A2ML1: variants seen among roughly 807,000 people sequenced by gnomAD.
A2ML1 encodes alpha-2-macroglobulin-like protein 1.
A2ML1 carries 161 observed loss-of-function variants against 181.9 expected under a neutral mutation model. The observed-to-expected ratio is 0.89, with a 90% CI of 0.78 to 1.01. A2ML1 has a LOEUF of 1.01. Ranked by LOEUF, A2ML1 falls within the 50% of genes least tolerant of loss-of-function variation. The pLI is 0.00. For synonymous variants in A2ML1, 663 were observed against 666.8 expected, an observed-to-expected ratio of 0.99 and a Z score of 0.09; for missense variants, 1,670 against 1,768.1, an observed-to-expected ratio of 0.94 and a Z score of 1.00.
chr12:8,844,039 A>C (rs753472556), intron 12 of A2ML1, among the ~76,000 whole-genome samples: 1 of 150,288 alleles, frequency 6.7e-6, no homozygotes, highest in Non-Finnish European at 1.5e-5. Context: ...CAATATTCCT[A>C]TGTGGCTATG....
At position 8,841,673 on chromosome 12, in the gene A2ML1, CA is replaced by C. The variant is rs1260623269; in HGVS notation, c.1248+142del. ...CTCACAAGTCCTGCTCTCCCGTTGA[CA>C]AAAAGTTTTCCTTAGATGCTTTCTG... On this transcript the variant is annotated intron_variant, in intron 11 of 35. Transcript: ENST00000299698. 3.3e-5 allele frequency: 29 copies of C among 880,312 alleles called. No individual in the cohort carries two copies. The African/African-American group carries it at 3.6e-4, about 11-fold the overall frequency. 54.5% of individuals were successfully genotyped at this position (880,312 alleles called of 1,614,324 possible).
rs1025625666 is a variant in A2ML1, at chr12:8,829,657, A to C, written c.410-70A>C. 1.3e-5 allele frequency: 9 copies of C among 673,048 alleles called. No individual in the cohort carries two copies. The South Asian group carries it at 3.8e-4, about 28-fold the overall frequency. 41.7% of individuals were successfully genotyped at this position (673,048 alleles called of 1,614,324 possible). On this transcript the variant is annotated intron_variant, in intron 3 of 35. Coordinates refer to ENST00000299698, the MANE Select transcript of A2ML1 (RefSeq NM_144670.6). ...GTGACAGAGTGAGACCCTGTATCAA[A>C]AAAAAAAAAAAAAAAAAAATTCTGA... is the stretch of plus-strand genomic sequence containing the variant.
downstream of A2ML1, among the ~76,000 whole-genome samples, chr12:8,880,167 C>T (rs888793496): frequency 1.3e-5 from 2 of 151,856 alleles, no homozygotes; most frequent in Non-Finnish European, 2.9e-5. Flanking sequence ...AGTTCGAGAC[C>T]AGCCTGGCCA....
intron 12 of A2ML1, among the ~76,000 whole-genome samples, chr12:8,843,973 G>T (rs1943581492): frequency 6.6e-6 from 1 of 152,030 alleles, no homozygotes; most frequent in African/African-American, 2.4e-5. Context: ...ACCTGCCTCA[G>T]TCTCCCAGAG....
Position 8,847,570 on chromosome 12 carries a change from T to G in A2ML1, c.1705T>G (p.Ser569Ala). ...CCAGGTTTCCCTTGGCTTCTCCCCC[T>G]CCCAGCAGCTTCCAGGAGCAGAAGT... Reference protein sequence around the residue: ...DNQVSLGFSPSQQLPGAEVEL... With the variant: ...DNQVSLGFSPAQQLPGAEVEL... The change falls in exon 15 of 36, where the codon TCC becomes GCC. Residue 569 changes from serine to alanine, a missense_variant. Transcript: ENST00000299698. 6.2e-7 allele frequency: 1 copy of G among 1,612,560 alleles called. No individual in the cohort carries two copies. The highest frequency in any genetic ancestry group is 2.2e-5 in the East Asian group (1 of 44,774).
chr12:8,854,266 G>T lies in A2ML1; in HGVS notation c.2712+17G>T. 1 of 1,581,172 alleles carries T rather than the reference G, an allele frequency of 6.3e-7. No individual in the cohort carries two copies. ...CTCGTCAAAGTGAGTTTTCTTCAGA[G>T]GTAGAGACAGCAACCAACCGAGGGA... is the stretch of plus-strand genomic sequence containing the variant. On this transcript the variant is annotated intron_variant, in intron 21 of 35. Coordinates refer to ENST00000299698, the MANE Select transcript of A2ML1 (RefSeq NM_144670.6).
At chr12:8,878,421 T>C (rs1215002355), downstream of A2ML1, among the ~76,000 whole-genome samples, 1 of 152,240 alleles carries the variant, frequency 6.6e-6, no homozygotes, top group African/African-American at 2.4e-5. The surrounding 1 kb of genome is among the most constrained non-coding windows in gnomAD (Gnocchi z 4.4). Context: ...TACTGCATGT[T>C]CTAACTTTTA....
At position 8,876,080 on chromosome 12, in the gene A2ML1, A is replaced by G. The variant is rs1427494969; in HGVS notation, c.*24A>G. On this transcript the variant is annotated 3_prime_UTR_variant, in exon 36 of 36. Coordinates refer to ENST00000299698, the MANE Select transcript of A2ML1 (RefSeq NM_144670.6). ...CAGGATAGGAGCTGGAAACTCAATT[A>G]GTCCTCTGTGACATTTACTGGAGGG... 1.3e-5 allele frequency: 1 copy of G among 74,810 alleles called. No homozygotes were observed. Among genetic ancestry groups the G allele is most frequent in the Non-Finnish European group, 3.2e-5 (1 of 31,678 alleles). 4.6% of individuals were successfully genotyped at this position (74,810 alleles called of 1,614,324 possible).
At chr12:8,851,454 G>A (rs1277220596) in intron 18 of A2ML1, among the ~76,000 whole-genome samples, 5 of 151,594 alleles carry the variant, frequency 3.3e-5, no homozygotes, top group Non-Finnish European at 5.9e-5. Flanking sequence ...CACCCAGGCT[G>A]GAGTGCAGTG....
intron 33 of A2ML1, among the ~76,000 whole-genome samples, chr12:8,873,325 C>T (rs1358844453): frequency 6.6e-6 from 1 of 151,856 alleles, no homozygotes; most frequent in African/African-American, 2.4e-5. Flanking sequence ...CTATAATCTC[C>T]ACCTCCTGGG....
intron 10 of A2ML1, among the ~76,000 whole-genome samples, chr12:8,841,013 C>CGGAAGGAAGGAA (rs71045214): frequency 3.0e-5 from 4 of 135,426 alleles, no homozygotes; most frequent in African/African-American, 8.3e-5. Context: ...GAAGGAAGGA[C>CGGAAGGAAGGAA]GGAAGGAAGG....
chr12:8,856,060 C>G (rs1565484077), intron 23 of A2ML1, among the ~76,000 whole-genome samples: 1 of 152,164 alleles, frequency 6.6e-6, no homozygotes, highest in African/African-American at 2.4e-5. Flanking sequence ...TGACCCTGAA[C>G]AAGTTAGTGA....
Position 8,852,096 on chromosome 12 carries a change from C to A in A2ML1, c.2463+84C>A. 1.3e-6 allele frequency: 2 copies of A among 1,588,826 alleles called. No homozygotes were observed. The highest frequency in any genetic ancestry group is 1.7e-6 in the Non-Finnish European group (2 of 1,163,096). ...GTTTGTCTCTAAATTGGAAGCATCC[C>A]AATTTTCCCTGGGAAAGAGAGGAGA... is the stretch of plus-strand genomic sequence containing the variant. On this transcript the variant is annotated intron_variant, in intron 19 of 35. Transcript: ENST00000299698. The surrounding 1 kb of genome is among the most constrained non-coding windows in gnomAD (Gnocchi z 4.2).
chr12:8,831,864 C>G (rs1203441561), intron 4 of A2ML1, among the ~76,000 whole-genome samples: 1 of 152,170 alleles, frequency 6.6e-6, no homozygotes, highest in Non-Finnish European at 1.5e-5. Context: ...ATTCTCCTGC[C>G]TCAGCCTCCC....
intron 12 of A2ML1, 59 bp downstream of exon 12, chr12:8,843,420 A>G: frequency 1.3e-6 from 2 of 1,543,382 alleles, no homozygotes; most frequent in Non-Finnish European, 1.8e-6. Flanking sequence ...GAATGAGAAG[A>G]GTCAGCCAGA....
In A2ML1 at chr12:8,855,502, C is replaced by G. The variant is rs775617268; in HGVS notation, c.2765-7C>G. The G allele has an allele frequency of 5.0e-6, 8 of 1,613,032 alleles. No individual in the cohort carries two copies. The highest frequency in any genetic ancestry group is 6.8e-6 in the Non-Finnish European group (8 of 1,179,722). On this transcript the variant is annotated splice_polypyrimidine_tract_variant and splice_region_variant and intron_variant, in intron 22 of 35. Transcript: ENST00000299698. Reference sequence around the variant, plus strand: ...TATTGTGTCACCTTTTTTTCTGCATCTCACAGGAAAGGTGGCATCTGAATC... The same window carrying G: ...TATTGTGTCACCTTTTTTTCTGCATGTCACAGGAAAGGTGGCATCTGAATC...
At chr12:8,841,734 G>A (rs1943487318) in intron 11 of A2ML1, among the ~76,000 whole-genome samples, 198 bp downstream of exon 11, 1 of 152,144 alleles carries the variant, frequency 6.6e-6, no homozygotes, top group African/African-American at 2.4e-5. Flanking sequence ...GTCCTTACTT[G>A]GATGAAAACT....
chr12:8,843,287 C>T lies in A2ML1; in HGVS notation c.1402C>T (p.Gln468Ter), dbSNP rs1943553490. 1.9e-6 allele frequency: 3 copies of T among 1,614,070 alleles called. No individual in the cohort carries two copies. Among genetic ancestry groups the T allele is most frequent in the South Asian group, 2.2e-5 (2 of 91,082 alleles). ...LNGPLKCGQP[Q>*]EVLVDYYIDP... ...CGGCCCCTTGAAATGTGGCCAGCCC[C>T]AGGAAGTGCTGGTGGATTATTACAT... Residue 468 changes from glutamine to a stop codon, truncating the protein, a stop_gained, in exon 12 of 36, where the codon CAG becomes TAG. Coordinates refer to ENST00000299698, the MANE Select transcript of A2ML1 (RefSeq NM_144670.6). LOFTEE classifies it high-confidence loss of function.
chr12:8,835,391 G>A, intron 5 of A2ML1, 116 bp from the exon 6 acceptor site: 1 of 1,253,296 alleles, frequency 8.0e-7, no homozygotes, highest in Non-Finnish European at 1.1e-6. Flanking sequence ...CAGACCACAG[G>A]GGTCATGAAC....
Sources: allele counts gnomAD v4.1 joint callset (sites outside exome capture counted in the v4.1 genomes callset), GRCh38; gene constraint gnomAD v4.1.1; non-coding constraint Gnocchi (gnomAD v3.1); transcripts MANE v1.5; gene names NCBI Gene and HGNC (gene_info 2026-07-23, HGNC 2026-07-21).